The following DIAPH3 variants were observed in gnomAD, a reference collection of about 807,000 sequenced individuals.
DIAPH3 encodes diaphanous related formin 3, also known as protein diaphanous homolog 3.
Under a neutral mutation model 144.3 loss-of-function variants are expected in DIAPH3, and 117 were observed. The observed-to-expected ratio is 0.81, with a 90% CI of 0.70 to 0.95. DIAPH3 has a LOEUF of 0.95. Ranked by LOEUF, DIAPH3 falls within the 40% of genes least tolerant of loss-of-function variation. DIAPH3 has a pLI of 0.00. For synonymous variants in DIAPH3, 519 were observed against 488.9 expected (o/e 1.06, Z -0.81); for missense variants, 1,421 against 1,412.7 (o/e 1.01, Z -0.09).
At chr13:59,797,226 T>C (rs1232669594) in intron 25 of DIAPH3, among the ~76,000 whole-genome samples, 3 of 152,206 alleles carry the variant, frequency 2.0e-5, no homozygotes, top group African/African-American at 4.8e-5. Context: ...GGACTTCTAA[T>C]GCTGTTTATT....
chr13:60,160,440 C>CA (rs1411230109), intron 1 of DIAPH3, among the ~76,000 whole-genome samples: 1 of 152,216 alleles, frequency 6.6e-6, no homozygotes, highest in Non-Finnish European at 1.5e-5. Context: ...GACTGACCTA[C>CA]ATCCTAGAGA....
chr13:59,718,685 A>AT (rs1260496621), intron 27 of DIAPH3, among the ~76,000 whole-genome samples: 1 of 152,134 alleles, frequency 6.6e-6, no homozygotes, highest in East Asian at 1.9e-4. Flanking sequence ...TAATTGAGAC[A>AT]TTTTCAATAG....
intron 27 of DIAPH3, among the ~76,000 whole-genome samples, chr13:59,692,366 T>A (rs911981987): frequency 6.6e-6 from 1 of 151,906 alleles, no homozygotes; most frequent in Admixed American, 6.6e-5. Flanking sequence ...ATCCCTTTTT[T>A]CAGACCTTTT....
chr13:59,865,806 T>C (rs2043881874), intron 21 of DIAPH3, among the ~76,000 whole-genome samples: 2 of 152,014 alleles, frequency 1.3e-5, no homozygotes, highest in Non-Finnish European at 2.9e-5. Flanking sequence ...TTAAAGAATA[T>C]TCCATTTATT....
chr13:60,027,614 A>G (rs2054470974), intron 5 of DIAPH3, among the ~76,000 whole-genome samples: 2 of 152,194 alleles, frequency 1.3e-5, no homozygotes, highest in Non-Finnish European at 2.9e-5. Context: ...AAAAAACAGT[A>G]AAACAAGTAT....
chr13:59,685,824 G>T (rs2033184956), intron 27 of DIAPH3, among the ~76,000 whole-genome samples: 1 of 152,102 alleles, frequency 6.6e-6, no homozygotes, highest in African/African-American at 2.4e-5. Context: ...GTAACAGTTG[G>T]AGTAAGAAAA....
chr13:59,838,372 C>G (rs1174568507), intron 23 of DIAPH3: 1 of 151,948 alleles, frequency 6.6e-6, no homozygotes, highest in Non-Finnish European at 1.5e-5. Flanking sequence ...AAACAGGACA[C>G]AAGCCTCATG....
At chr13:60,009,606 C>G (rs139551306) in intron 8 of DIAPH3, among the ~76,000 whole-genome samples, 1 of 152,182 alleles carries the variant, frequency 6.6e-6, no homozygotes, top group Non-Finnish European at 1.5e-5. Flanking sequence ...TGGCTTTGCA[C>G]GCTTGGGACT....
chr13:59,912,335 A>G (rs1410304003), intron 19 of DIAPH3, among the ~76,000 whole-genome samples: 1 of 152,194 alleles, frequency 6.6e-6, no homozygotes, highest in Non-Finnish European at 1.5e-5. Flanking sequence ...TACCAATAGG[A>G]TTACAGTTTT....
intron 25 of DIAPH3, among the ~76,000 whole-genome samples, chr13:59,782,486 A>C (rs2038791043): frequency 6.6e-6 from 1 of 152,194 alleles, no homozygotes; most frequent in South Asian, 2.1e-4. Context: ...GTGAGGGAGA[A>C]GATATTTTAT....
intron 27 of DIAPH3, among the ~76,000 whole-genome samples, chr13:59,675,908 T>C (rs1319304239): frequency 6.6e-6 from 1 of 152,204 alleles, no homozygotes; most frequent in Admixed American, 6.5e-5. Flanking sequence ...TGCTAATAAC[T>C]TGCGAGCTGT....
intron 27 of DIAPH3, among the ~76,000 whole-genome samples, chr13:59,753,918 A>G (rs1251864418): frequency 6.6e-6 from 1 of 152,144 alleles, no homozygotes; most frequent in Non-Finnish European, 1.5e-5. Context: ...ACAAAAGAAG[A>G]TAAAGTATAT....
intron 4 of DIAPH3, among the ~76,000 whole-genome samples, chr13:60,054,246 AT>A (rs1175698069): frequency 2.6e-5 from 4 of 152,078 alleles, no homozygotes; most frequent in Non-Finnish European, 5.9e-5. Flanking sequence ...AGATTAAAAT[AT>A]TAAGATATCA....
intron 27 of DIAPH3, among the ~76,000 whole-genome samples, chr13:59,744,135 T>C (rs897304122): frequency 3.9e-5 from 6 of 152,210 alleles, no homozygotes; most frequent in African/African-American, 1.4e-4. Flanking sequence ...ATTTTCTGCA[T>C]GTATATAACT....
intron 27 of DIAPH3, among the ~76,000 whole-genome samples, chr13:59,750,768 A>G (rs1044571573): frequency 6.6e-6 from 1 of 152,242 alleles, no homozygotes; most frequent in South Asian, 2.1e-4. Context: ...TCTGTCTCCT[A>G]TAGCCTCTGG....
Position 59,691,346 on chromosome 13 carries a change from C to T in DIAPH3, c.3320-24500G>A, listed in dbSNP as rs552667043. Among the ~76,000 whole-genome samples the T allele has an allele frequency of 9.9e-5, 15 of 152,216 alleles. No individual in the cohort carries two copies. In the South Asian group the frequency reaches 2.9e-3, roughly 29 times the overall value. ...TTGTTTTTTATCCCCATGGGTCATA[C>T]TGTCAACCTTGAGCAATGTTTTGCT... is the stretch of plus-strand genomic sequence containing the variant. On this transcript the variant is annotated intron_variant, in intron 27 of 27. Transcript: ENST00000400324.
intron 10 of DIAPH3, 57 bp downstream of exon 10, chr13:59,992,416 C>T: frequency 2.2e-6 from 3 of 1,382,646 alleles, no homozygotes; most frequent in Non-Finnish European, 3.0e-6. Flanking sequence ...CTAAATTTCC[C>T]CCTACTCAAG....
At position 59,839,364 on chromosome 13, in the gene DIAPH3, G is replaced by A. The variant is rs767863890; in HGVS notation, c.2822C>T (p.Pro941Leu). The A allele has an allele frequency of 1.9e-6, 3 of 1,613,622 alleles. No homozygotes were observed. Among genetic ancestry groups the A allele is most frequent in the Non-Finnish European group, 1.7e-6 (2 of 1,179,772 alleles). Reference protein sequence around the residue: ...QLEKELETFPPPEDLHDKFVT... With the variant: ...QLEKELETFPLPEDLHDKFVT... The stretch of plus-strand genomic sequence containing the variant: ...AAACTTGTCATGCAAGTCCTCAGGA[G>A]GGGGAAAGGTTTCCAATTCCTTCTC... The change falls in exon 23 of 28, where the codon CCT becomes CTT. Residue 941 changes from proline to leucine, a missense_variant. Pro to Leu is a moderately conservative substitution (Grantham distance 98). Transcript: ENST00000400324.
chr13:60,081,928 A>G (rs1311577322), intron 4 of DIAPH3, among the ~76,000 whole-genome samples: 3 of 152,162 alleles, frequency 2.0e-5, no homozygotes, highest in South Asian at 2.1e-4. Context: ...TCCTTCCAGA[A>G]CAGGATCCTA....
Sources: gnomAD v4.1 joint callset for allele counts (sites outside exome capture counted in the v4.1 genomes callset) on GRCh38, gnomAD v4.1.1 for gene constraint, MANE v1.5 for transcripts, NCBI Gene and HGNC (gene_info 2026-07-23, HGNC 2026-07-21) for gene names.